Variants in RICTOR observed in about 807,000 individuals in gnomAD.
RICTOR encodes the protein RPTOR independent companion of MTOR complex 2.
Under a neutral mutation model 214.9 loss-of-function variants are expected in RICTOR, and 49 were observed. That is an observed-to-expected ratio of 0.23 (90% CI 0.18 to 0.29). The LOEUF is 0.29. Ranked by LOEUF, RICTOR falls within the 10% of genes least tolerant of loss-of-function variation. RICTOR has a pLI of 1.00. For synonymous variants in RICTOR, 717 were observed against 711.3 expected (o/e 1.01, Z -0.13); for missense variants, 1,625 against 2,047.0 (o/e 0.79, Z 3.98).
chr5:39,066,898 C>T (rs1319245923), intron 2 of RICTOR, among the ~76,000 whole-genome samples: 1 of 152,244 alleles, frequency 6.6e-6, no homozygotes, highest in African/African-American at 2.4e-5. Flanking sequence ...ACTTCATTGT[C>T]CGTATCACTA....
chr5:39,050,779 G>A (rs893912751), intron 2 of RICTOR, among the ~76,000 whole-genome samples: 1 of 152,166 alleles, frequency 6.6e-6, no homozygotes, highest in Non-Finnish European at 1.5e-5. Context: ...AATGACCCAT[G>A]AGGGAAGTGG....
In RICTOR at chr5:38,967,364, G is replaced by T. The variant is rs774472001; in HGVS notation, c.1124C>A (p.Thr375Asn). ...GGATCTGGCACGATGAGGAAGAATAGTTTTTGCCTCAGCTGCCACAAAGCC... is the reference window on the plus strand; with the variant it reads ...GGATCTGGCACGATGAGGAAGAATATTTTTTGCCTCAGCTGCCACAAAGCC... ...SDGFVAAEAK[T>N]ILPHRARSRP... The change falls in exon 13 of 38, where the codon ACT (threonine) becomes AAT (asparagine). Residue 375 changes from threonine to asparagine, a missense_variant. This residue lies in a region of RICTOR where 1,214 missense variants were observed against 1,470.5 expected (regional missense o/e 0.83). Transcript: ENST00000357387. 6.8e-6 allele frequency: 11 copies of T among 1,613,770 alleles called. No homozygotes were observed. The highest frequency in any genetic ancestry group is 1.3e-5 in the African/African-American group (1 of 75,020).
At chr5:38,950,769 C>T in intron 30 of RICTOR, 49 bp from the exon 31 acceptor site, 1 of 1,465,400 alleles carries the variant, frequency 6.8e-7, no homozygotes. Context: ...ATGACAAATT[C>T]ATGATAACTA....
At chr5:38,980,617 G>A (rs548957575) in intron 8 of RICTOR, among the ~76,000 whole-genome samples, 1 of 152,206 alleles carries the variant, frequency 6.6e-6, no homozygotes, top group South Asian at 2.1e-4. Flanking sequence ...GGCTGAAGTG[G>A]GTGGACTGCA....
intron 2 of RICTOR, among the ~76,000 whole-genome samples, chr5:39,036,712 G>A (rs1215658676): frequency 2.6e-5 from 4 of 152,134 alleles, no homozygotes; most frequent in Non-Finnish European, 4.4e-5. Context: ...GATCAAAAGA[G>A]ACAAAGAAGG....
At chr5:38,968,735 C>T (rs1420744492) in intron 11 of RICTOR, among the ~76,000 whole-genome samples, 1 of 143,126 alleles carries the variant, frequency 7.0e-6, no homozygotes, top group Non-Finnish European at 1.5e-5. Flanking sequence ...GACCCTGCCT[C>T]TTAAAAAAAA....
chr5:39,006,752 GGAGGGGAGA>G (rs1754091970), intron 3 of RICTOR, among the ~76,000 whole-genome samples: 2 of 98,006 alleles, frequency 2.0e-5, no homozygotes, highest in Middle Eastern at 4.3e-3. Flanking sequence ...GGAGGGGAGA[GGAGGGGAGA>G]GGAGGGGAGA....
Position 38,949,799 on chromosome 5 carries a change from G to A in RICTOR, c.4049C>T (p.Ala1350Val), listed in dbSNP as rs767846526. Residue 1350 changes from alanine (A) to valine (V), a missense_variant, in exon 31 of 38, where the codon GCT becomes GTT. Ala to Val is a moderately conservative substitution (Grantham distance 64). This residue lies in a region of RICTOR where 1,214 missense variants were observed against 1,470.5 expected (regional missense o/e 0.83). Coordinates refer to ENST00000357387, the MANE Select transcript of RICTOR (RefSeq NM_152756.5). ...RMHPSLSHSE[A>V]LASPAKDVLF... ...CACATCTTTTGCTGGAGATGCCAAA[G>A]CTTCAGAGTGAGATAAGGATGGATG... 1.2e-6 allele frequency: 2 copies of A among 1,613,416 alleles called. No homozygotes were observed. The highest frequency in any genetic ancestry group is 1.3e-5 in the African/African-American group (1 of 75,002).
At chr5:38,963,340 A>G (rs758410020) in intron 16 of RICTOR, among the ~76,000 whole-genome samples, 21 of 151,926 alleles carry the variant, frequency 1.4e-4, no homozygotes, top group Admixed American at 6.6e-5. Context: ...AGTTTTCTAT[A>G]TTTTCTTATC....
intron 2 of RICTOR, among the ~76,000 whole-genome samples, chr5:39,038,528 C>A (rs368776013): frequency 1.3e-5 from 2 of 152,154 alleles, no homozygotes; most frequent in Non-Finnish European, 1.5e-5. Flanking sequence ...GGAAGTCAAA[C>A]TGTCCCTGTT....
intron 2 of RICTOR, among the ~76,000 whole-genome samples, chr5:39,029,565 T>C (rs951376389): frequency 1.3e-5 from 2 of 152,142 alleles, no homozygotes; most frequent in East Asian, 3.9e-4. Flanking sequence ...TCCAAGTACC[T>C]ATAGTAAATT....
intron 2 of RICTOR, among the ~76,000 whole-genome samples, chr5:39,053,102 C>A (rs904436050): frequency 6.6e-6 from 1 of 152,142 alleles, no homozygotes; most frequent in African/African-American, 2.4e-5. Context: ...AAATCACTAG[C>A]TAAATTTTTT....
rs780374210 is a variant in RICTOR at position 38,963,028 on chromosome 5, C to A, written c.1414G>T (p.Ala472Ser). ...PKEKRLRASA[A>S]LNCLKRFHEM... ...TGGAAGCGTTTTAAACAGTTCAAGG[C>A]TGCACTGGCTCGCCTAATGAGAAAA... Residue 472 changes from alanine to serine, a missense_variant, in exon 17 of 38, where the codon GCC (alanine) becomes TCC (serine). Coordinates refer to ENST00000357387, the MANE Select transcript of RICTOR (RefSeq NM_152756.5). 6.2e-7 allele frequency: 1 copy of A among 1,609,868 alleles called. No homozygotes were observed. Among genetic ancestry groups the A allele is most frequent in the Non-Finnish European group, 8.5e-7 (1 of 1,177,622 alleles).
chr5:38,960,027 T>C (rs754339526), intron 20 of RICTOR, 49 bp from the exon 21 acceptor site: 13 of 1,293,102 alleles, frequency 1.0e-5, no homozygotes, highest in Non-Finnish European at 1.3e-5. Flanking sequence ...TCAAAATCTG[T>C]AATTAGAAAA....
At chr5:39,066,068 G>C (rs796617777) in intron 2 of RICTOR, among the ~76,000 whole-genome samples, 4 of 152,364 alleles carry the variant, frequency 2.6e-5, no homozygotes, top group African/African-American at 9.6e-5. Context: ...CACCCTAATA[G>C]AGATCCTCAA....
rs1748487236 is a variant in RICTOR, at chr5:38,949,303, C to T, written c.4136+409G>A. The T allele has an allele frequency of 9.4e-6, 11 of 1,173,968 alleles. No individual in the cohort carries two copies. In the South Asian group the frequency reaches 1.7e-4, roughly 18 times the overall value. The allele number at this position is 1,173,968 out of a possible 1,614,324, so 72.7% of individuals were successfully genotyped here. ...TAATTTCACTGAAATTTTCATTTATCTTTTTAAAAAAATAATAAAGAGGTC... is the reference window on the plus strand; with the variant it reads ...TAATTTCACTGAAATTTTCATTTATTTTTTTAAAAAAATAATAAAGAGGTC... On this transcript the variant is annotated intron_variant, in intron 31 of 37. Transcript: ENST00000357387.
At chr5:38,966,613 A>G (rs1402412030) in intron 15 of RICTOR, 28 bp downstream of exon 15, 1 of 1,055,148 alleles carries the variant, frequency 9.5e-7, no homozygotes, top group East Asian at 2.4e-5. Flanking sequence ...AAGGTATGAA[A>G]CATATAATCA....
intron 33 of RICTOR, among the ~76,000 whole-genome samples, chr5:38,946,177 A>T (rs1748167493): frequency 6.6e-6 from 1 of 152,218 alleles, no homozygotes. Flanking sequence ...ATCTATGAGG[A>T]TTAGTGTTAT....
intron 2 of RICTOR, among the ~76,000 whole-genome samples, chr5:39,026,747 C>T (rs1755852781): frequency 6.6e-6 from 1 of 151,840 alleles, no homozygotes; most frequent in South Asian, 2.1e-4. Context: ...GTGGCTCACA[C>T]CTGTAATCCT....
Sources: gnomAD v4.1 joint callset for allele counts (sites outside exome capture counted in the v4.1 genomes callset) on GRCh38, gnomAD v4.1.1 for gene constraint, gnomAD v4.1.1 regional missense constraint, MANE v1.5 for transcripts, NCBI Gene and HGNC (gene_info 2026-07-23, HGNC 2026-07-21) for gene names.